Variants in TRHDE observed in about 807,000 individuals in gnomAD.
TRHDE encodes thyrotropin releasing hormone degrading enzyme, also known as thyrotropin-releasing hormone-degrading ectoenzyme.
Under a neutral mutation model 125.7 loss-of-function variants are expected in TRHDE, and 72 were observed. The observed-to-expected ratio is 0.57, with a 90% CI of 0.47 to 0.70. The LOEUF (loss-of-function observed/expected upper bound fraction) is 0.70, where lower values mean the gene tolerates loss of function less well. Among genes scored for constraint, TRHDE ranks in the 30% least tolerant of loss-of-function variants. The pLI, the probability that TRHDE is intolerant of heterozygous loss-of-function variation, is 0.00. For synonymous variants in TRHDE, 509 were observed against 509.1 expected (o/e 1.00, Z 0.00); for missense variants, 1,110 against 1,327.1 (o/e 0.84, Z 2.54).
intron 12 of TRHDE, chr12:72,582,688 A>G: frequency 3.4e-6 from 3 of 881,940 alleles, no homozygotes; most frequent in East Asian, 1.2e-4. Flanking sequence ...GAAATTGAGA[A>G]GGAATTATAA....
chr12:72,340,017 C>T (rs10784964), intron 2 of TRHDE, among the ~76,000 whole-genome samples: 124,921 of 152,228 alleles, frequency 0.82, 51,394 homozygotes, highest in East Asian at 0.92. Context: ...TAGGATTGGC[C>T]GAGGCTTCAG....
chr12:72,287,414 T>TTATTGCTGAGAAAGTAAAA (rs1354953996), intron 2 of TRHDE, among the ~76,000 whole-genome samples: 4 of 152,292 alleles, frequency 2.6e-5, no homozygotes, highest in Admixed American at 2.6e-4. Context: ...CAGTCTAATG[T>TTATTGCTGAGAAAGTAAAA]TATTGCTGAG....
intron 2 of TRHDE, among the ~76,000 whole-genome samples, chr12:72,142,551 C>G (rs930081390): frequency 1.3e-5 from 2 of 152,120 alleles, no homozygotes; most frequent in African/African-American, 4.8e-5. Flanking sequence ...AAGAGGGTGG[C>G]CCCCTGCAAA....
rs1875945578 is a variant in TRHDE, at chr12:72,134,861, C to T, written n.279+29109C>T. ...TTTGATTGTGTAATTTGCATAATTC[C>T]AGATAAACAAATGATGAAAGCAATG... On this transcript the variant is annotated intron_variant and non_coding_transcript_variant, in intron 2 of 4. Transcript: ENST00000548156. 2.0e-5 allele frequency among the ~76,000 whole-genome samples: 3 copies of T among 152,000 alleles called. No homozygotes were observed. The South Asian group carries it at 6.2e-4, about 31-fold the overall frequency.
chr12:72,272,663 TG>T lies in TRHDE; in HGVS notation c.25del (p.Glu9SerfsTer182). 8.2e-7 allele frequency: 1 copy of T among 1,223,142 alleles called. No individual in the cohort carries two copies. The highest frequency in any genetic ancestry group is 1.1e-6 in the Non-Finnish European group (1 of 918,078). The allele number at this position is 1,223,142 out of a possible 1,614,324, so 75.8% of individuals were successfully genotyped here. A position where few individuals can be genotyped will look rare whatever the true frequency, so the allele number is the denominator to read the frequency against. On this transcript the variant is annotated frameshift_variant, in exon 1 of 19. Transcript: ENST00000261180. LOFTEE classifies it high-confidence loss of function. The surrounding 1 kb of genome is among the most constrained non-coding windows in gnomAD (Gnocchi z 6.7). The part of the protein sequence containing the change: MALDGE[L>X]GEQEEEKKKK... Reference sequence around the variant, plus strand: ...GGTGTGATGGCCCTGGACGGCGAGCTGGGGGAGCAAGAGGAGGAGAAGAAAA... The same window carrying T: ...GGTGTGATGGCCCTGGACGGCGAGCTGGGGAGCAAGAGGAGGAGAAGAAAA...
At chr12:72,461,616 CTTT>C (rs77831863) in intron 3 of TRHDE, among the ~76,000 whole-genome samples, 2 of 143,452 alleles carry the variant, frequency 1.4e-5, no homozygotes, top group Admixed American at 7.0e-5. Flanking sequence ...CAAAATACAA[CTTT>C]TTTTTTTTTT....
At chr12:72,130,314 A>G (rs1202965473) in intron 2 of TRHDE, among the ~76,000 whole-genome samples, 2 of 152,196 alleles carry the variant, frequency 1.3e-5, no homozygotes, top group African/African-American at 4.8e-5. Context: ...AGTCTTACCC[A>G]GGTTACTCTA....
At chr12:72,565,149 A>G (rs1870380666) in intron 9 of TRHDE, among the ~76,000 whole-genome samples, 1 of 152,168 alleles carries the variant, frequency 6.6e-6, no homozygotes, top group South Asian at 2.1e-4. Flanking sequence ...CAAAGCTTCA[A>G]TACGATTCTC....
intron 2 of TRHDE, among the ~76,000 whole-genome samples, chr12:72,229,202 G>T (rs536935100): frequency 2.6e-5 from 4 of 152,296 alleles, no homozygotes; most frequent in Admixed American, 1.3e-4. Flanking sequence ...ATTTAAAAAG[G>T]AAAGAAGTTT....
chr12:72,383,715 C>CTA (rs1257058030), intron 3 of TRHDE, among the ~76,000 whole-genome samples: 1 of 141,106 alleles, frequency 7.1e-6, no homozygotes, highest in African/African-American at 2.7e-5. Context: ...CTGGTAATTT[C>CTA]TGTTTTTTTT....
chr12:72,456,674 A>T (rs899480572), intron 3 of TRHDE, among the ~76,000 whole-genome samples: 2 of 152,092 alleles, frequency 1.3e-5, no homozygotes, highest in Admixed American at 1.3e-4. Context: ...CATTAGGAGA[A>T]ACATTTTTAT....
chr12:72,577,089 T>C (rs1871031082), intron 12 of TRHDE, among the ~76,000 whole-genome samples: 1 of 152,122 alleles, frequency 6.6e-6, no homozygotes. Context: ...GAAAGAAAGA[T>C]TATTTTGGCA....
At chr12:72,195,485 A>G (rs1349259745) in intron 2 of TRHDE, among the ~76,000 whole-genome samples, 1 of 151,800 alleles carries the variant, frequency 6.6e-6, no homozygotes, top group Non-Finnish European at 1.5e-5. Flanking sequence ...TTTGCTTTGC[A>G]CTTCTCTGAT....
chr12:72,615,601 G>C (rs914648847), intron 12 of TRHDE, among the ~76,000 whole-genome samples: 2 of 152,106 alleles, frequency 1.3e-5, no homozygotes, highest in African/African-American at 4.8e-5. Flanking sequence ...TGATGTCGTA[G>C]GCTTAAATGC....
At chr12:72,207,383 C>T (rs1001735226) in intron 2 of TRHDE, among the ~76,000 whole-genome samples, 10 of 152,124 alleles carry the variant, frequency 6.6e-5, no homozygotes, top group Admixed American at 1.3e-4. Context: ...CAGTTGAATT[C>T]TTTAGGACTT....
At chr12:72,138,565 A>C (rs890604378) in intron 2 of TRHDE, among the ~76,000 whole-genome samples, 17 of 152,234 alleles carry the variant, frequency 1.1e-4, no homozygotes, top group African/African-American at 3.9e-4. Flanking sequence ...GCCTGATACC[A>C]GAAGAGAGCC....
intron 6 of TRHDE, among the ~76,000 whole-genome samples, chr12:72,509,277 C>T (rs866008034): frequency 8.5e-5 from 13 of 152,062 alleles, no homozygotes; most frequent in African/African-American, 2.4e-4. Flanking sequence ...ACCGCACCCC[C>T]CCGCACACAC....
At chr12:72,239,741 A>G (rs1365506908) in intron 2 of TRHDE, among the ~76,000 whole-genome samples, 1 of 152,248 alleles carries the variant, frequency 6.6e-6, no homozygotes, top group Non-Finnish European at 1.5e-5. Flanking sequence ...TAGACACGAG[A>G]TGTCTATAAA....
At chr12:72,135,981 T>G (rs892671893) in intron 2 of TRHDE, among the ~76,000 whole-genome samples, 4 of 152,136 alleles carry the variant, frequency 2.6e-5, no homozygotes, top group African/African-American at 7.2e-5. Context: ...TGGTTTGGTG[T>G]TGTTGTAAGT....
Sources: gnomAD v4.1 joint callset for allele counts (sites outside exome capture counted in the v4.1 genomes callset) on GRCh38, gnomAD v4.1.1 for gene constraint, Gnocchi (gnomAD v3.1) non-coding constraint, MANE v1.5 for transcripts, NCBI Gene and HGNC (gene_info 2026-07-23, HGNC 2026-07-21) for gene names.